Variants in FREM3 observed in about 807,000 individuals in gnomAD.
FREM3 encodes the protein FRAS1-related extracellular matrix protein 3.
FREM3 carries 105 observed loss-of-function variants against 129.1 expected under a neutral mutation model. The observed-to-expected ratio is 0.81, with a 90% CI of 0.69 to 0.96. The LOEUF (loss-of-function observed/expected upper bound fraction) is 0.96. Among genes scored for constraint, FREM3 ranks in the 40% least tolerant of loss-of-function variants. The probability of loss-of-function intolerance (pLI) is 0.00; values close to 1 mark genes in which losing one functional copy is unlikely to be tolerated. For missense variants in FREM3, 2,593 were observed against 2,666.3 expected (o/e 0.97, Z 0.61); for synonymous variants, 1,014 against 1,044.9 (o/e 0.97, Z 0.57).
intron 6 of FREM3, among the ~76,000 whole-genome samples, chr4:143,609,539 A>G (rs1183330390): frequency 1.3e-5 from 2 of 152,162 alleles, no homozygotes; most frequent in African/African-American, 4.8e-5. Flanking sequence ...CTGCCTGGTT[A>G]ACACCTTCTT....
intron 1 of FREM3, among the ~76,000 whole-genome samples, chr4:143,694,612 TCA>T (rs1178709804): frequency 1.4e-4 from 22 of 152,372 alleles, no homozygotes; most frequent in African/African-American, 5.0e-4. Flanking sequence ...GAAAATGTTA[TCA>T]CTGTTGTGAT....
In FREM3 at chr4:143,646,672, C is replaced by A. The variant is rs1443565850; in HGVS notation, c.5276-18912G>T. ...TGTGAATTTCTTGAGGCCCTCCCAGCCCTGCAGAACTGTGAATCAATTAAA... is the reference window on the plus strand; with the variant it reads ...TGTGAATTTCTTGAGGCCCTCCCAGACCTGCAGAACTGTGAATCAATTAAA... On this transcript the variant is annotated intron_variant, in intron 2 of 7. Coordinates refer to ENST00000329798, the MANE Select transcript of FREM3 (RefSeq NM_001168235.2). 1.1e-4 allele frequency among the ~76,000 whole-genome samples: 16 copies of A among 152,320 alleles called. No individual in the cohort carries two copies. In the East Asian group the frequency reaches 1.2e-3, roughly 11 times the overall value.
intron 6 of FREM3, among the ~76,000 whole-genome samples, chr4:143,591,960 G>C (rs555983132): frequency 5.9e-5 from 9 of 152,132 alleles, no homozygotes; most frequent in Non-Finnish European, 1.0e-4. Flanking sequence ...ATAGTTAGTT[G>C]TTCTTGTTGA....
At chr4:143,588,037 G>T (rs1015827683) in intron 6 of FREM3, among the ~76,000 whole-genome samples, 29 of 151,982 alleles carry the variant, frequency 1.9e-4, no homozygotes, top group Non-Finnish European at 1.9e-4. Context: ...CCTCTCTTTT[G>T]TTCATCCACC....
rs139609420 is a variant in FREM3, at chr4:143,655,097, A to AAGGATCT, written c.5276-27344_5276-27338dup. On this transcript the variant is annotated intron_variant, in intron 2 of 7. Coordinates refer to ENST00000329798, the MANE Select transcript of FREM3 (RefSeq NM_001168235.2). The stretch of plus-strand genomic sequence containing the variant: ...TCAGGGAGGGGTGCAAGGCAGCAGA[A>AAGGATCT]AGGATCTGTAATTTGTGTAGAAATC... Among the ~76,000 whole-genome samples, 1,133 of 152,278 alleles carry AAGGATCT rather than the reference A, an allele frequency of 7.4e-3. 14 individuals are homozygous for AAGGATCT. Among genetic ancestry groups the AAGGATCT allele is most frequent in the African/African-American group, 0.026 (1,071 of 41,538 alleles).
intron 2 of FREM3, among the ~76,000 whole-genome samples, chr4:143,638,734 AC>A (rs1402745133): frequency 6.6e-6 from 1 of 152,090 alleles, no homozygotes; most frequent in East Asian, 1.9e-4. Context: ...TACCAATTAA[AC>A]ATACTGTCCA....
chr4:143,641,364 A>C (rs13147123), intron 2 of FREM3, among the ~76,000 whole-genome samples: 149,230 of 152,250 alleles, frequency 0.98, 73,196 homozygotes, highest in Non-Finnish European at 1. Flanking sequence ...GTTCTACTGA[A>C]CACAGCCCAG....
intron 7 of FREM3, among the ~76,000 whole-genome samples, chr4:143,582,898 C>CT (rs35360267): frequency 0.8 from 118,078 of 147,780 alleles, 47,147 homozygotes; most frequent in East Asian, 0.85. Context: ...AATTAATTTA[C>CT]TTTTTTTTTT....
Position 143,696,287 on chromosome 4 carries a change from G to A in FREM3, c.4389C>T (p.Ser1463=). The change falls in exon 1 of 8, where the codon AGC becomes AGT. Residue 1463 remains serine, a synonymous_variant. Transcript: ENST00000329798. ...DINSSDEHHF[S]ITRAPSLGHL... is the part of the protein sequence containing the mutation. ...GACCCAGGCTTGGAGCCCGTGTAATGCTAAAGTGATGTTCATCAGAGCTGT... is the reference window on the plus strand; with the variant it reads ...GACCCAGGCTTGGAGCCCGTGTAATACTAAAGTGATGTTCATCAGAGCTGT... 1 of 1,537,610 alleles carries A rather than the reference G, an allele frequency of 6.5e-7. No individual in the cohort carries two copies.
At position 143,695,912 on chromosome 4, in the gene FREM3, A is replaced by C; in HGVS notation, c.4764T>G (p.Asn1588Lys). Residue 1588 changes from asparagine (N) to lysine (K), a missense_variant, in exon 1 of 8, where the codon AAT becomes AAG. Asn to Lys is a moderately conservative substitution (Grantham distance 94). Around this residue, in one of 2 missense-constraint regions of FREM3, gnomAD observed 2,276 missense variants for 2,267.2 expected, o/e 1.00. Coordinates refer to ENST00000329798, the MANE Select transcript of FREM3 (RefSeq NM_001168235.2). ...QVPMHGKILY[N>K]GSRPVTTFTK... ...TGAAAGTGGTCACGGGACGGCTACC[A>C]TTGTACAAAATCTTGCCATGCATGG... 6.5e-7 allele frequency: 1 copy of C among 1,537,754 alleles called. No homozygotes were observed. Among genetic ancestry groups the C allele is most frequent in the African/African-American group, 1.4e-5 (1 of 73,152 alleles).
intron 6 of FREM3, among the ~76,000 whole-genome samples, chr4:143,601,137 G>A (rs1738565416): frequency 6.6e-6 from 1 of 152,038 alleles, no homozygotes; most frequent in South Asian, 2.1e-4. Flanking sequence ...CTTCTGAACA[G>A]TTTCCTGGGT....
intron 2 of FREM3, among the ~76,000 whole-genome samples, chr4:143,645,544 C>T (rs192119378): frequency 8.5e-5 from 13 of 152,284 alleles, no homozygotes; most frequent in Admixed American, 7.2e-4. Flanking sequence ...ACTAAGGTTT[C>T]CCCAGTAAGC....
chr4:143,615,273 A>G (rs1560845277), intron 5 of FREM3, among the ~76,000 whole-genome samples: 1 of 152,334 alleles, frequency 6.6e-6, no homozygotes, highest in East Asian at 1.9e-4. Context: ...GGCACTTTTT[A>G]CTTTCTCACA....
intron 2 of FREM3, among the ~76,000 whole-genome samples, chr4:143,692,086 TTTAAA>T (rs1308645415): frequency 6.6e-6 from 1 of 152,158 alleles, no homozygotes; most frequent in Non-Finnish European, 1.5e-5. Context: ...GGCACCTATC[TTTAAA>T]TTAATTTTTT....
At chr4:143,661,821 G>A (rs1002670690) in intron 2 of FREM3, among the ~76,000 whole-genome samples, 8 of 152,130 alleles carry the variant, frequency 5.3e-5, no homozygotes, top group Non-Finnish European at 1.0e-4. Context: ...GTCTTGGGAG[G>A]GTGTATGTGT....
intron 2 of FREM3, among the ~76,000 whole-genome samples, chr4:143,640,046 C>CAAGGA (rs1739297987): frequency 2.0e-5 from 3 of 152,312 alleles, no homozygotes; most frequent in Admixed American, 2.0e-4. Flanking sequence ...TTTCACATCT[C>CAAGGA]TGAAAACTCT....
chr4:143,626,237 C>A (rs1213280973), intron 3 of FREM3, among the ~76,000 whole-genome samples: 1 of 152,138 alleles, frequency 6.6e-6, no homozygotes, highest in Non-Finnish European at 1.5e-5. Flanking sequence ...CTACCATATG[C>A]CCCATGCTGT....
At chr4:143,635,369 C>T (rs1403567571) in intron 2 of FREM3, among the ~76,000 whole-genome samples, 1 of 152,138 alleles carries the variant, frequency 6.6e-6, no homozygotes, top group African/African-American at 2.4e-5. Flanking sequence ...GCTGTTGTAG[C>T]TACGTATGTA....
Position 143,698,513 on chromosome 4 carries a change from A to G in FREM3, c.2163T>C (p.Thr721=). 2 of 1,537,598 alleles carry G rather than the reference A, an allele frequency of 1.3e-6. No individual in the cohort carries two copies. Among genetic ancestry groups the G allele is most frequent in the Non-Finnish European group, 1.7e-6 (2 of 1,147,012 alleles). Residue 721 remains threonine, a synonymous_variant, in exon 1 of 8, where the codon ACT becomes ACC. Transcript: ENST00000329798. ...LEMTVQEYQL[T]HFQKNFLRYI... ...ATCGGAGGAAATTCTTCTGGAAGTG[A>G]GTGAGTTGGTATTCTTGTACAGTCA... is the stretch of plus-strand genomic sequence containing the variant.
Sources: allele counts gnomAD v4.1 joint callset (sites outside exome capture counted in the v4.1 genomes callset), GRCh38; gene constraint gnomAD v4.1.1; regional missense constraint gnomAD v4.1.1; transcripts MANE v1.5; gene names NCBI Gene and HGNC (gene_info 2026-07-23, HGNC 2026-07-21).